Variants in DIAPH2 observed in about 807,000 individuals in gnomAD.
DIAPH2 encodes the protein protein diaphanous homolog 2.
Under a neutral mutation model 92.7 loss-of-function variants are expected in DIAPH2, and 35 were observed. The observed-to-expected ratio is 0.38, with a 90% CI of 0.29 to 0.50. The LOEUF is 0.50. Among genes scored for constraint, DIAPH2 ranks in the 20% least tolerant of loss-of-function variants. DIAPH2 has a pLI of 0.94. For missense variants in DIAPH2, 701 were observed against 819.5 expected (o/e 0.86, Z 1.77); for synonymous variants, 301 against 280.4 (o/e 1.07, Z -0.73).
intron 17 of DIAPH2, among the ~76,000 whole-genome samples, chrX:97,019,076 G>C (rs1458949340): frequency 1.8e-5 from 2 of 111,351 alleles, no homozygotes; most frequent in African/African-American, 6.5e-5. Flanking sequence ...TTTTATCGTT[G>C]AATAACATTC....
intron 17 of DIAPH2, among the ~76,000 whole-genome samples, chrX:97,047,877 G>T (rs2066495519): frequency 1.8e-5 from 2 of 109,537 alleles, no homozygotes; most frequent in African/African-American, 6.7e-5. Context: ...ATATATCTCT[G>T]TACCCCCTTT....
chrX:97,579,824 T>G (rs2071425689), intron 26 of DIAPH2, among the ~76,000 whole-genome samples: 1 of 110,579 alleles, frequency 9.0e-6, no homozygotes, highest in African/African-American at 3.3e-5. Context: ...TCCATTTGTT[T>G]GTATCCTCTT....
chrX:97,253,532 G>A (rs763247546), intron 23 of DIAPH2, among the ~76,000 whole-genome samples: 73 of 109,719 alleles, frequency 6.7e-4, no homozygotes, highest in African/African-American at 2.3e-3. Flanking sequence ...TGGATGACTA[G>A]GTGAGGAGTT....
At chrX:97,044,500 C>T (rs770936776) in intron 17 of DIAPH2, among the ~76,000 whole-genome samples, 1 of 111,137 alleles carries the variant, frequency 9.0e-6, no homozygotes, top group Non-Finnish European at 1.9e-5. Flanking sequence ...TTCATATTCC[C>T]TTGCAAAATC....
chrX:97,272,497 TTTATTAG>T (rs1483278082), intron 23 of DIAPH2, among the ~76,000 whole-genome samples: 9 of 112,071 alleles, frequency 8.0e-5, no homozygotes, highest in African/African-American at 2.9e-4. Flanking sequence ...AGTTGATTAT[TTTATTAG>T]CCAGGACCTC....
intron 25 of DIAPH2, among the ~76,000 whole-genome samples, chrX:97,422,605 T>C (rs191248306): frequency 3.4e-3 from 377 of 111,795 alleles, no homozygotes; most frequent in African/African-American, 0.012. Flanking sequence ...AATCTAGAAT[T>C]CAAGGAGGCT....
In DIAPH2 at chrX:97,263,255, A is replaced by T. The variant is rs937681631; in HGVS notation, c.2844+15416A>T. Among the ~76,000 whole-genome samples, 9 of 112,018 alleles carry T rather than the reference A, an allele frequency of 8.0e-5. No homozygotes were observed. The East Asian group carries it at 2.5e-3, about 31-fold the overall frequency. On this transcript the variant is annotated intron_variant, in intron 23 of 26. Coordinates refer to ENST00000324765, the MANE Select transcript of DIAPH2 (RefSeq NM_006729.5). The stretch of plus-strand genomic sequence containing the variant: ...GTCAGTTACATCACAGATAATTGCC[A>T]TAAGCCATTCATTTCATGTTTTTAG...
chrX:97,365,513 A>C (rs976568219), intron 24 of DIAPH2, among the ~76,000 whole-genome samples: 1 of 110,836 alleles, frequency 9.0e-6, no homozygotes, highest in African/African-American at 3.3e-5. Flanking sequence ...TGATTGGAAT[A>C]CAGTCACACG....
intron 23 of DIAPH2, among the ~76,000 whole-genome samples, chrX:97,281,755 A>T (rs2068498857): frequency 9.0e-6 from 1 of 110,833 alleles, no homozygotes; most frequent in South Asian, 3.8e-4. Context: ...AAAAAAAAAA[A>T]AACACATACG....
intron 17 of DIAPH2, among the ~76,000 whole-genome samples, chrX:97,030,891 T>C (rs557152187): frequency 8.9e-6 from 1 of 111,939 alleles, no homozygotes; most frequent in African/African-American, 3.2e-5. Context: ...ATGGCTTAAA[T>C]TGTAGTGAGT....
chrX:96,793,687 T>C (rs892027990), intron 4 of DIAPH2: 17 of 361,065 alleles, frequency 4.7e-5, no homozygotes, highest in African/African-American at 4.4e-4. Context: ...CTATCTGGGG[T>C]TTCCACCCTC....
chrX:97,290,686 C>T (rs1216304668), intron 23 of DIAPH2, among the ~76,000 whole-genome samples: 2 of 112,136 alleles, frequency 1.8e-5, no homozygotes, highest in Non-Finnish European at 3.8e-5. Context: ...AAGATTTAGG[C>T]AGTGACTTGA....
intron 15 of DIAPH2, among the ~76,000 whole-genome samples, chrX:96,954,999 T>C (rs1212241731): frequency 8.9e-6 from 1 of 112,868 alleles, no homozygotes; most frequent in Non-Finnish European, 1.9e-5. Context: ...TTTGTACATA[T>C]ATTTATAAAG....
At chrX:97,532,602 G>A (rs1018625432) in intron 26 of DIAPH2, among the ~76,000 whole-genome samples, 3 of 112,492 alleles carry the variant, frequency 2.7e-5, no homozygotes, top group African/African-American at 9.7e-5. Context: ...ATGCAAAAAA[G>A]TAAATCCAAA....
At chrX:97,275,882 C>T (rs1019887131) in intron 23 of DIAPH2, among the ~76,000 whole-genome samples, 4 of 112,340 alleles carry the variant, frequency 3.6e-5, no homozygotes, top group African/African-American at 9.7e-5. Flanking sequence ...GGGTGGCGGC[C>T]GGGCAGAGGC....
chrX:97,299,481 A>G (rs1261938718), intron 23 of DIAPH2, among the ~76,000 whole-genome samples: 1 of 111,782 alleles, frequency 8.9e-6, no homozygotes, highest in African/African-American at 3.2e-5. Context: ...GAAAAATAGG[A>G]AGACCTCAAT....
At chrX:96,994,891 G>C (rs2066094829) in intron 17 of DIAPH2, among the ~76,000 whole-genome samples, 1 of 111,109 alleles carries the variant, frequency 9.0e-6, no homozygotes, top group Non-Finnish European at 1.9e-5. Context: ...GTTGACACGT[G>C]GGGATTATGG....
At chrX:96,744,795 G>A (rs777948855) in intron 3 of DIAPH2, among the ~76,000 whole-genome samples, 72 of 111,436 alleles carry the variant, frequency 6.5e-4, no homozygotes, top group African/African-American at 2.3e-3. Context: ...CTCCTTGTGG[G>A]TGTCTTTCCT....
intron 17 of DIAPH2, among the ~76,000 whole-genome samples, chrX:97,023,870 A>G (rs1466259106): frequency 1.8e-5 from 2 of 112,476 alleles, no homozygotes; most frequent in African/African-American, 6.5e-5. Flanking sequence ...CAGTGATGCT[A>G]CACATAAAAC....
Sources: gnomAD v4.1 joint callset for allele counts (sites outside exome capture counted in the v4.1 genomes callset) on GRCh38, gnomAD v4.1.1 for gene constraint, MANE v1.5 for transcripts, NCBI Gene and HGNC (gene_info 2026-07-23, HGNC 2026-07-21) for gene names.